FRMPD4: variants seen among roughly 807,000 people sequenced by gnomAD.
FRMPD4 encodes FERM and PDZ domain containing 4, also known as FERM and PDZ domain-containing protein 4.
FRMPD4 carries 22 observed loss-of-function variants against 94.1 expected under a neutral mutation model. The ratio of observed to expected loss-of-function variants is 0.23; its 90% CI spans 0.17 to 0.33. The LOEUF is 0.33. FRMPD4 is among the 10% of genes least tolerant of loss of function. The pLI is 1.00. For missense variants in FRMPD4, 1,111 were observed against 1,339.9 expected, an observed-to-expected ratio of 0.83 and a Z score of 2.67; for synonymous variants, 631 against 548.6, an observed-to-expected ratio of 1.15 and a Z score of -2.10.
chrX:12,069,190 A>C (rs1526794), intron 3 of FRMPD4, among the ~76,000 whole-genome samples: 5,503 of 111,551 alleles, frequency 0.049, 356 homozygotes, highest in African/African-American at 0.17. Flanking sequence ...TGCAGGTTCA[A>C]TGACATATAA....
At chrX:12,527,276 T>G (rs1398562780) in intron 2 of FRMPD4, among the ~76,000 whole-genome samples, 1 of 111,573 alleles carries the variant, frequency 9.0e-6, no homozygotes. Flanking sequence ...TAGTGGCATC[T>G]TTTTGGCTGA....
At chrX:12,698,330 C>T (rs1351526211) in intron 9 of FRMPD4, among the ~76,000 whole-genome samples, 2 of 111,596 alleles carry the variant, frequency 1.8e-5, no homozygotes, top group African/African-American at 3.3e-5. Context: ...ATCATTACAA[C>T]GGGCTATACT....
chrX:12,226,115 T>A (rs946114247), intron 1 of FRMPD4, among the ~76,000 whole-genome samples: 1 of 111,819 alleles, frequency 8.9e-6, no homozygotes, highest in Non-Finnish European at 1.9e-5. Context: ...GTTTATTTTA[T>A]TTTTTTGAAG....
intron 1 of FRMPD4, among the ~76,000 whole-genome samples, chrX:12,219,684 C>G (rs750129897): frequency 3.1e-4 from 35 of 112,130 alleles, no homozygotes; most frequent in Admixed American, 1.4e-3. Flanking sequence ...ATGTACCATA[C>G]TTAGAAAAAT....
chrX:12,532,004 G>A (rs967187770), intron 2 of FRMPD4, among the ~76,000 whole-genome samples: 6 of 111,890 alleles, frequency 5.4e-5, no homozygotes, highest in Non-Finnish European at 1.1e-4. Flanking sequence ...AGGTTCAGAG[G>A]TAAAGGATCA....
At chrX:11,850,933 A>T (rs938492506) in intron 1 of FRMPD4, among the ~76,000 whole-genome samples, 4 of 112,345 alleles carry the variant, frequency 3.6e-5, no homozygotes, top group African/African-American at 1.3e-4. Context: ...ACTCTTACAC[A>T]TGGTTAAGAT....
chrX:12,492,751 T>G (rs1356729092), intron 1 of FRMPD4, among the ~76,000 whole-genome samples: 1 of 111,836 alleles, frequency 8.9e-6, no homozygotes, highest in African/African-American at 3.2e-5. Context: ...AATGTAGCTT[T>G]CCTCACATGT....
intron 2 of FRMPD4, among the ~76,000 whole-genome samples, chrX:12,593,092 T>C (rs890285663): frequency 8.9e-6 from 1 of 111,912 alleles, no homozygotes; most frequent in Non-Finnish European, 1.9e-5. Flanking sequence ...ATCCATTGCT[T>C]CCTTAATCCC....
intron 1 of FRMPD4, among the ~76,000 whole-genome samples, chrX:12,189,121 A>G (rs2056459949): frequency 9.0e-6 from 1 of 111,717 alleles, no homozygotes; most frequent in Admixed American, 9.5e-5. Flanking sequence ...TACAGCTCCC[A>G]TAAAGATTAA....
chrX:12,068,489 G>T (rs2054940441), intron 3 of FRMPD4, among the ~76,000 whole-genome samples: 1 of 111,487 alleles, frequency 9.0e-6, no homozygotes, highest in Admixed American at 9.5e-5. Flanking sequence ...CCATCATTTG[G>T]GGAACACAGC....
At chrX:12,186,423 T>C (rs1353320698) in intron 1 of FRMPD4, among the ~76,000 whole-genome samples, 2 of 111,899 alleles carry the variant, frequency 1.8e-5, no homozygotes, top group African/African-American at 6.5e-5. Context: ...AATTATTTAA[T>C]TGTTTTTAAT....
chrX:12,314,380 C>A (rs968927603), intron 1 of FRMPD4, among the ~76,000 whole-genome samples: 2 of 111,006 alleles, frequency 1.8e-5, no homozygotes, highest in African/African-American at 6.6e-5. Flanking sequence ...TGTCTGAAAG[C>A]TGTGGCTTGC....
chrX:12,234,044 T>C (rs1037026915), intron 1 of FRMPD4, among the ~76,000 whole-genome samples: 1 of 110,894 alleles, frequency 9.0e-6, no homozygotes, highest in African/African-American at 3.3e-5. Flanking sequence ...CGAAGTGCTT[T>C]CCTTCTTCAG....
At chrX:12,568,426 C>A (rs749111530) in intron 2 of FRMPD4, among the ~76,000 whole-genome samples, 1 of 112,414 alleles carries the variant, frequency 8.9e-6, no homozygotes, top group South Asian at 3.7e-4. Context: ...ATATGACTAA[C>A]AAAAGGCTTG....
At chrX:12,421,274 C>G (rs1038841086) in intron 1 of FRMPD4, among the ~76,000 whole-genome samples, 1 of 111,725 alleles carries the variant, frequency 9.0e-6, no homozygotes, top group Non-Finnish European at 1.9e-5. Flanking sequence ...TTATAAAAAC[C>G]CTAATGACAA....
At chrX:12,362,609 T>G (rs747001607) in intron 1 of FRMPD4, among the ~76,000 whole-genome samples, 1 of 111,658 alleles carries the variant, frequency 9.0e-6, no homozygotes, top group South Asian at 3.7e-4. Context: ...CTATCGTTGT[T>G]GGACATTTGG....
chrX:12,266,132 CAAAAAAAAAAAA>C (rs3990340), intron 1 of FRMPD4, among the ~76,000 whole-genome samples: 9 of 25,757 alleles, frequency 3.5e-4, no homozygotes, highest in Admixed American at 8.2e-4. Context: ...GACTCCGTCT[CAAAAAAAAAAAA>C]AAAAAAAAAA....
chrX:12,523,761 T>A (rs1241554073), intron 2 of FRMPD4, among the ~76,000 whole-genome samples: 3 of 109,988 alleles, frequency 2.7e-5, no homozygotes, highest in African/African-American at 1.0e-4. Flanking sequence ...CCGGGCAGCC[T>A]CCATTCTATA....
Position 12,694,341 on chromosome X carries a change from C to G in FRMPD4, c.820C>G (p.Gln274Glu). The change falls in exon 9 of 17, where the codon CAG becomes GAG. Residue 274 changes from glutamine (Q) to glutamate (E), a missense_variant. Physicochemically the swap from Gln to Glu is conservative, Grantham distance 29 (BLOSUM62 2). This residue lies in a region of FRMPD4 where 37 missense variants were observed against 101.0 expected (regional missense o/e 0.37). Transcript: ENST00000675598. The stretch of plus-strand genomic sequence containing the variant: ...GATTGGTCTACTCTTCCAGGTGACA[C>G]AGAGGCCCAGCTCCCATAAGATGAG... ...HEQETLTQVT[Q>E]RPSSHKMRCL... is the part of the protein sequence containing the mutation. 1 of 1,197,614 alleles carries G rather than the reference C, an allele frequency of 8.3e-7. No homozygotes were observed.
Sources: gnomAD v4.1 joint callset for allele counts (sites outside exome capture counted in the v4.1 genomes callset) on GRCh38, gnomAD v4.1.1 for gene constraint, gnomAD v4.1.1 regional missense constraint, MANE v1.5 for transcripts, NCBI Gene and HGNC (gene_info 2026-07-23, HGNC 2026-07-21) for gene names.